The following MGAT5 variants were observed in gnomAD, a reference collection of about 807,000 sequenced individuals.
MGAT5 encodes the protein alpha-1,6-mannosylglycoprotein 6-beta-N-acetylglucosaminyltransferase.
Under a neutral mutation model 94.3 loss-of-function variants are expected in MGAT5, and 30 were observed. The ratio of observed to expected loss-of-function variants is 0.32; its 90% CI spans 0.24 to 0.43. The LOEUF (loss-of-function observed/expected upper bound fraction) is 0.43. Ranked by LOEUF, MGAT5 falls within the 20% of genes least tolerant of loss-of-function variation. MGAT5 has a pLI of 1.00. For synonymous variants in MGAT5, 310 were observed against 322.9 expected, an observed-to-expected ratio of 0.96 and a Z score of 0.43; for missense variants, 691 against 905.5, an observed-to-expected ratio of 0.76 and a Z score of 3.04.
intron 1 of MGAT5, among the ~76,000 whole-genome samples, chr2:134,256,956 A>G (rs1573628910): frequency 6.6e-6 from 1 of 152,160 alleles, no homozygotes; most frequent in East Asian, 1.9e-4. Context: ...GGGTTATCAC[A>G]TGGTGAGATC....
intron 1 of MGAT5, among the ~76,000 whole-genome samples, chr2:134,133,851 T>C (rs1686285368): frequency 2.0e-5 from 3 of 152,210 alleles, no homozygotes; most frequent in Admixed American, 1.3e-4. Flanking sequence ...ATTCTCATGC[T>C]GATCCGTTCC....
At chr2:134,185,283 G>T (rs1371671080) in intron 1 of MGAT5, among the ~76,000 whole-genome samples, 1 of 152,150 alleles carries the variant, frequency 6.6e-6, no homozygotes, top group Non-Finnish European at 1.5e-5. Context: ...AATGCTGAAG[G>T]ATAAGAACTA....
chr2:134,364,067 G>A (rs1179365487), intron 10 of MGAT5, among the ~76,000 whole-genome samples: 6 of 152,140 alleles, frequency 3.9e-5, no homozygotes, highest in Non-Finnish European at 8.8e-5. Context: ...GGGGCCAAGT[G>A]CAACCACCTC....
intron 9 of MGAT5, among the ~76,000 whole-genome samples, chr2:134,361,739 T>C (rs973255237): frequency 6.6e-6 from 1 of 152,180 alleles, no homozygotes; most frequent in Non-Finnish European, 1.5e-5. Flanking sequence ...AATTACATCT[T>C]TTATGAGTGA....
At chr2:134,131,977 C>T (rs1042504464) in intron 1 of MGAT5, among the ~76,000 whole-genome samples, 1 of 152,276 alleles carries the variant, frequency 6.6e-6, no homozygotes, top group Non-Finnish European at 1.5e-5. Flanking sequence ...AGGTCTAGGT[C>T]GGCCAGGGTT....
chr2:134,235,751 A>G, intron 1 of MGAT5, among the ~76,000 whole-genome samples: 1 of 146,586 alleles, frequency 6.8e-6, no homozygotes, highest in Non-Finnish European at 1.5e-5. Flanking sequence ...GCATGGAGTG[A>G]TTATAGAAGT....
rs1553457670 is a variant in MGAT5 at position 134,381,369 on chromosome 2, A to AGATAGATAGAT, written c.1380+18961_1380+18962insGATAGATAGAT. Among the ~76,000 whole-genome samples the AGATAGATAGAT allele has an allele frequency of 3.2e-3, 179 of 55,114 alleles. 3 individuals are homozygous for AGATAGATAGAT. The highest frequency in any genetic ancestry group is 0.01 in the African/African-American group (148 of 14,422). 36.2% of individuals were successfully genotyped at this position (55,114 alleles called of 152,430 possible). ...TAGATAGATAGATAGATAGATAGAT[A>AGATAGATAGAT]AGATAAGATAGATTAGATAGATAGA... is the stretch of plus-strand genomic sequence containing the variant. On this transcript the variant is annotated intron_variant, in intron 10 of 15. Transcript: ENST00000281923.
At position 134,261,401 on chromosome 2, in the gene MGAT5, ACC is replaced by A. The variant is rs548711476; in HGVS notation, c.241+6761_241+6762del. On this transcript the variant is annotated intron_variant, in intron 1 of 15. Coordinates refer to ENST00000281923, the MANE Select transcript of MGAT5 (RefSeq NM_002410.5). Reference sequence around the variant, plus strand: ...CTGTGGACACCCTAAAAAGCTCCGCACCCCCTCAAGTCTACTAAGGCATGGTG... The same window carrying A: ...CTGTGGACACCCTAAAAAGCTCCGCACCCTCAAGTCTACTAAGGCATGGTG... 2.6e-5 allele frequency among the ~76,000 whole-genome samples: 4 copies of A among 152,008 alleles called. No homozygotes were observed. In the South Asian group the frequency reaches 8.3e-4, roughly 32 times the overall value.
At chr2:134,256,507 G>C (rs2442046) in intron 1 of MGAT5, among the ~76,000 whole-genome samples, 116,433 of 152,190 alleles carry the variant, frequency 0.77, 44,691 homozygotes, top group African/African-American at 0.8. Flanking sequence ...TTAAATTTCT[G>C]CAGTTGTTTT....
chr2:134,445,444 G>A (rs1685718337), intron 15 of MGAT5, among the ~76,000 whole-genome samples: 1 of 151,304 alleles, frequency 6.6e-6, no homozygotes, highest in Non-Finnish European at 1.5e-5. Context: ...CTCAAGGGAA[G>A]GGGCAGGAGG....
chr2:134,435,766 C>T (rs1411474053), intron 14 of MGAT5, among the ~76,000 whole-genome samples: 1 of 152,146 alleles, frequency 6.6e-6, no homozygotes, highest in African/African-American at 2.4e-5. Context: ...TGCTTTTCTG[C>T]CTAGTAGCAA....
chr2:134,126,930 T>C (rs111962897), intron 1 of MGAT5, among the ~76,000 whole-genome samples: 85 of 152,324 alleles, frequency 5.6e-4, no homozygotes, highest in African/African-American at 1.9e-3. Context: ...CAGTTTGTTA[T>C]TTACAAGCAT....
chr2:134,289,036 G>A (rs1685185685), intron 2 of MGAT5, among the ~76,000 whole-genome samples: 1 of 152,264 alleles, frequency 6.6e-6, no homozygotes, highest in East Asian at 1.9e-4. Flanking sequence ...TTTTTTGGGT[G>A]CCCTTCATCT....
intron 1 of MGAT5, among the ~76,000 whole-genome samples, chr2:134,121,678 G>A (rs1685598833): frequency 6.6e-6 from 1 of 152,254 alleles, no homozygotes; most frequent in Non-Finnish European, 1.5e-5. Flanking sequence ...GGCAAACTCA[G>A]TTGTGTGTGG....
intron 1 of MGAT5, among the ~76,000 whole-genome samples, chr2:134,157,694 A>T (rs761293429): frequency 3.9e-5 from 6 of 152,002 alleles, no homozygotes; most frequent in African/African-American, 9.7e-5. Flanking sequence ...ACTCACCATA[A>T]TGTAGAATCA....
chr2:134,177,166 T>TGTG lies in MGAT5; in HGVS notation c.-143+56875_-143+56876insGTG, dbSNP rs1467124014. Among the ~76,000 whole-genome samples, 6 of 152,274 alleles carry TGTG rather than the reference T, an allele frequency of 3.9e-5. No individual in the cohort carries two copies. In the South Asian group the frequency reaches 6.2e-4, roughly 16 times the overall value. On this transcript the variant is annotated intron_variant, in intron 1 of 16. Transcript: ENST00000409645. Reference sequence around the variant, plus strand: ...ACCCGTGTGTGTGTGTGTGTGTATGTATCTCTATTTATAGTAATCTTGCAT... The same window carrying TGTG: ...ACCCGTGTGTGTGTGTGTGTGTATGTGTGATCTCTATTTATAGTAATCTTGCAT...
intron 1 of MGAT5, among the ~76,000 whole-genome samples, chr2:134,237,057 T>C (rs1201758360): frequency 2.0e-5 from 3 of 152,110 alleles, no homozygotes; most frequent in African/African-American, 7.2e-5. Flanking sequence ...TAATCTCTCC[T>C]TTTCCTCAGG....
At chr2:134,343,629 C>T (rs766667472) in intron 7 of MGAT5, among the ~76,000 whole-genome samples, 1 of 152,102 alleles carries the variant, frequency 6.6e-6, no homozygotes, top group Non-Finnish European at 1.5e-5. Context: ...GATCACAACC[C>T]TTGGGGGTAG....
rs542894354 is a variant in MGAT5 at position 134,267,724 on chromosome 2, G to A, written c.242-2662G>A. ...ATGGATTGAGGGACTGTGTCCAGTA[G>A]TCTGATGAGAGCCCATCAGCATTGG... On this transcript the variant is annotated intron_variant, in intron 1 of 15. Coordinates refer to ENST00000281923, the MANE Select transcript of MGAT5 (RefSeq NM_002410.5). 2.6e-5 allele frequency among the ~76,000 whole-genome samples: 4 copies of A among 152,226 alleles called. No homozygotes were observed. In the South Asian group the frequency reaches 8.3e-4, roughly 32 times the overall value.
Sources: gnomAD v4.1 joint callset for allele counts (sites outside exome capture counted in the v4.1 genomes callset) on GRCh38, gnomAD v4.1.1 for gene constraint, MANE v1.5 for transcripts, NCBI Gene and HGNC (gene_info 2026-07-23, HGNC 2026-07-21) for gene names.